Variants in RIMS1 observed in about 807,000 individuals in gnomAD.
The protein encoded by RIMS1 is regulating synaptic membrane exocytosis protein 1.
Under a neutral mutation model 214.1 loss-of-function variants are expected in RIMS1, and 83 were observed. The ratio of observed to expected loss-of-function variants is 0.39; its 90% CI spans 0.32 to 0.47. The LOEUF (loss-of-function observed/expected upper bound fraction) is 0.47, where lower values mean the gene tolerates loss of function less well. Ranked by LOEUF, RIMS1 falls within the 20% of genes least tolerant of loss-of-function variation. RIMS1 has a pLI of 0.99. For synonymous variants in RIMS1, 793 were observed against 786.8 expected (o/e 1.01, Z -0.13); for missense variants, 2,050 against 2,161.8 (o/e 0.95, Z 1.03).
rs1159719316 is a variant in RIMS1, at chr6:72,182,386, C to A, written c.915C>A (p.Val305=). 1 of 1,613,620 alleles carries A rather than the reference C, an allele frequency of 6.2e-7. No individual in the cohort carries two copies. Among genetic ancestry groups the A allele is most frequent in the South Asian group, 1.1e-5 (1 of 91,078 alleles). ...CAGCGCAGCCCGTGGAGGGGGCCGT[C>A]GAAGAACGGGAGCGCAAAGAAAGGC... ...KTSAQPVEGA[V]EERERKERRE... The change falls in exon 6 of 34, where the codon GTC becomes GTA. Residue 305 remains valine, a synonymous_variant. Transcript: ENST00000521978.
chr6:71,946,345 C>T (rs1291776105), intron 1 of RIMS1, among the ~76,000 whole-genome samples: 1 of 152,080 alleles, frequency 6.6e-6, no homozygotes, highest in Non-Finnish European at 1.5e-5. Flanking sequence ...ACAAGAAGAA[C>T]AAAGCTGGGG....
intron 4 of RIMS1, among the ~76,000 whole-genome samples, chr6:72,178,454 C>A: frequency 6.6e-6 from 1 of 152,080 alleles, no homozygotes; most frequent in East Asian, 1.9e-4. Flanking sequence ...AATGTTTCTA[C>A]GATTTATTCA....
chr6:71,976,459 T>G (rs577233803), intron 2 of RIMS1, among the ~76,000 whole-genome samples: 12 of 152,304 alleles, frequency 7.9e-5, no homozygotes, highest in Admixed American at 7.2e-4. Context: ...TTTTTATTTT[T>G]GAGTTATAAG....
intron 1 of RIMS1, 116 bp downstream of exon 1, chr6:71,887,303 G>A (rs1173480141): frequency 1.9e-5 from 26 of 1,339,982 alleles, no homozygotes; most frequent in Admixed American, 2.0e-5. Context: ...GGTGCTGGGT[G>A]CGGACGGAGG....
intron 3 of RIMS1, among the ~76,000 whole-genome samples, chr6:72,099,383 A>G (rs2032944582): frequency 6.6e-6 from 1 of 152,328 alleles, no homozygotes; most frequent in South Asian, 2.1e-4. Flanking sequence ...TTTCATTCGG[A>G]GCACAAGACA....
intron 4 of RIMS1, among the ~76,000 whole-genome samples, chr6:72,113,430 T>A (rs941525670): frequency 6.6e-6 from 1 of 152,142 alleles, no homozygotes; most frequent in Non-Finnish European, 1.5e-5. Context: ...TATTAGGAAA[T>A]TGTGTTTTTG....
At chr6:72,348,708 T>G (rs1468092033) in intron 29 of RIMS1, among the ~76,000 whole-genome samples, 2 of 151,840 alleles carry the variant, frequency 1.3e-5, no homozygotes, top group East Asian at 3.9e-4. Flanking sequence ...GATAGGTACT[T>G]TTTTTCAGCA....
chr6:72,163,803 G>T lies in RIMS1; in HGVS notation c.472-15772G>T, dbSNP rs531591239. The stretch of plus-strand genomic sequence containing the variant: ...TGTCAATCTGCCCCTACTGGCTGGG[G>T]GGGGGGGGCCTCCCAGTTAGGCTAC... On this transcript the variant is annotated intron_variant, in intron 4 of 33. Coordinates refer to ENST00000521978, the MANE Select transcript of RIMS1 (RefSeq NM_014989.7). Among the ~76,000 whole-genome samples, 174 of 147,854 alleles carry T rather than the reference G, an allele frequency of 1.2e-3. 8 individuals are homozygous for T. The highest frequency in any genetic ancestry group is 4.0e-3 in the African/African-American group (167 of 41,236).
Position 72,333,388 on chromosome 6 carries a change from T to C in RIMS1, c.4131-212T>C, listed in dbSNP as rs549504591. Among the ~76,000 whole-genome samples, 7 of 152,026 alleles carry C rather than the reference T, an allele frequency of 4.6e-5. No homozygotes were observed. The East Asian group carries it at 7.8e-4, about 17-fold the overall frequency. ...AAAAAGATTCTAAATTATTCCATGT[T>C]GAAATGGCATTGTTTTAAGCCATGT... On this transcript the variant is annotated intron_variant, in intron 28 of 33. Transcript: ENST00000521978.
intron 6 of RIMS1, among the ~76,000 whole-genome samples, chr6:72,200,260 G>A (rs919626669): frequency 6.6e-6 from 1 of 151,912 alleles, no homozygotes; most frequent in African/African-American, 2.4e-5. Flanking sequence ...TTTTCATTGA[G>A]CTTCCACTAT....
chr6:72,037,698 C>A (rs1255226589), intron 2 of RIMS1, among the ~76,000 whole-genome samples: 3 of 151,850 alleles, frequency 2.0e-5, no homozygotes, highest in Admixed American at 2.0e-4. Flanking sequence ...TTTGTTCTTT[C>A]TTTTGGTGTT....
chr6:72,075,977 G>A (rs1173159687), intron 2 of RIMS1, among the ~76,000 whole-genome samples: 1 of 152,258 alleles, frequency 6.6e-6, no homozygotes, highest in Non-Finnish European at 1.5e-5. Context: ...GAGTAAATAT[G>A]CGAGTATGTG....
At chr6:72,129,129 T>A (rs577494823) in intron 4 of RIMS1, among the ~76,000 whole-genome samples, 4 of 152,314 alleles carry the variant, frequency 2.6e-5, no homozygotes, top group Admixed American at 6.5e-5. Context: ...GAAGCCTGTG[T>A]CTTTTTATCT....
At chr6:72,273,483 T>C (rs568716047) in intron 22 of RIMS1, among the ~76,000 whole-genome samples, 1 of 152,236 alleles carries the variant, frequency 6.6e-6, no homozygotes, top group East Asian at 1.9e-4. Context: ...TTTAACTAGA[T>C]GTTTGAAATT....
chr6:72,176,783 T>G (rs1382594197), intron 4 of RIMS1, among the ~76,000 whole-genome samples: 1 of 152,238 alleles, frequency 6.6e-6, no homozygotes, highest in African/African-American at 2.4e-5. Context: ...CAAAGTATTT[T>G]AAGAATAGAA....
chr6:72,134,928 T>A (rs2041034129), intron 4 of RIMS1, among the ~76,000 whole-genome samples: 1 of 152,142 alleles, frequency 6.6e-6, no homozygotes, highest in Non-Finnish European at 1.5e-5. Context: ...GGAGTGATTA[T>A]TCAACCTGGA....
intron 1 of RIMS1, among the ~76,000 whole-genome samples, chr6:71,918,966 C>T (rs942154052): frequency 4.6e-5 from 7 of 152,190 alleles, no homozygotes; most frequent in Admixed American, 2.6e-4. Flanking sequence ...GCCAAGGAAA[C>T]GCCTTTCACT....
chr6:72,192,697 G>A (rs2050254471), intron 6 of RIMS1, among the ~76,000 whole-genome samples: 1 of 152,150 alleles, frequency 6.6e-6, no homozygotes, highest in South Asian at 2.1e-4. Flanking sequence ...TGGTAGCTAT[G>A]CCCACCTTGC....
In RIMS1 at chr6:72,313,707, T is replaced by C. The variant is rs540914719; in HGVS notation, c.4130+35T>C. 5.1e-6 allele frequency: 8 copies of C among 1,556,904 alleles called. No homozygotes were observed. The Admixed American group carries it at 1.6e-4, about 30-fold the overall frequency. On this transcript the variant is annotated intron_variant, in intron 28 of 33. Transcript: ENST00000521978. ...CAATACTGTTTATATAAACTGGATC[T>C]TTATCTGTGATATAAAAATACAACT...
Sources: gnomAD v4.1 joint callset for allele counts (sites outside exome capture counted in the v4.1 genomes callset) on GRCh38, gnomAD v4.1.1 for gene constraint, MANE v1.5 for transcripts, NCBI Gene and HGNC (gene_info 2026-07-23, HGNC 2026-07-21) for gene names.